ETV5: variants seen among roughly 807,000 people sequenced by gnomAD.
ETV5 encodes ETS variant transcription factor 5, also known as ETS translocation variant 5.
In ETV5, 10 loss-of-function variants were observed where a neutral mutation model predicts 70.0. The ratio of observed to expected loss-of-function variants is 0.14; its 90% CI spans 0.09 to 0.24. ETV5 has a LOEUF of 0.24. Ranked by LOEUF, ETV5 falls within the 10% of genes least tolerant of loss-of-function variation. The probability of loss-of-function intolerance (pLI) is 1.00; values close to 1 mark genes in which losing one functional copy is unlikely to be tolerated. For synonymous variants in ETV5, 216 were observed against 242.2 expected, an observed-to-expected ratio of 0.89 and a Z score of 1.01; for missense variants, 453 against 651.2, an observed-to-expected ratio of 0.70 and a Z score of 3.31.
intron 6 of ETV5, chr3:186,080,797 G>A (rs941069561): frequency 3.3e-5 from 10 of 299,128 alleles, no homozygotes; most frequent in Admixed American, 1.9e-4. Flanking sequence ...TCTTTCCCTA[G>A]AAGGACTGGG....
Position 186,079,834 on chromosome 3 carries a change from C to T in ETV5, c.633G>A (p.Gln211=). ...LQMPKMMPEN[Q]YPSEQRFQRQ... ...ACACCCACCTCTGTTCTGATGGATACTGGTTTTCAGGCATCATCTTTGGCA... is the reference window on the plus strand; with the variant it reads ...ACACCCACCTCTGTTCTGATGGATATTGGTTTTCAGGCATCATCTTTGGCA... Residue 211 remains glutamine, a synonymous_variant, in exon 7 of 13, where the codon CAG becomes CAA. Coordinates refer to ENST00000306376, the MANE Select transcript of ETV5 (RefSeq NM_004454.3). 1 of 1,604,084 alleles carries T rather than the reference C, an allele frequency of 6.2e-7. No homozygotes were observed. The highest frequency in any genetic ancestry group is 8.5e-7 in the Non-Finnish European group (1 of 1,175,430).
At chr3:186,108,060 T>G (rs1414825884) in intron 1 of ETV5, among the ~76,000 whole-genome samples, 1 of 149,564 alleles carries the variant, frequency 6.7e-6, no homozygotes, top group Non-Finnish European at 1.5e-5. Context: ...GCTTCATTCA[T>G]AAAGTCACCC....
At chr3:186,092,792 G>A (rs1714213230) in intron 5 of ETV5, among the ~76,000 whole-genome samples, 1 of 152,144 alleles carries the variant, frequency 6.6e-6, no homozygotes, top group South Asian at 2.1e-4. Flanking sequence ...TTAAGACCAT[G>A]AGGCCATTCT....
chr3:186,105,788 G>C lies in ETV5; in HGVS notation c.45+36C>G, dbSNP rs1714573337. ...CAGGGGGAAGACTCATATTGGAGAG[G>C]GAGGACAAAACAAACCAAAAGCCAC... On this transcript the variant is annotated intron_variant, in intron 2 of 12. Coordinates refer to ENST00000306376, the MANE Select transcript of ETV5 (RefSeq NM_004454.3). The surrounding 1 kb of genome is among the most constrained non-coding windows in gnomAD (Gnocchi z 4.5). 2 of 1,610,712 alleles carry C rather than the reference G, an allele frequency of 1.2e-6. No homozygotes were observed. The highest frequency in any genetic ancestry group is 1.7e-6 in the Non-Finnish European group (2 of 1,176,966).
At chr3:186,089,400 G>A (rs1217352732) in intron 5 of ETV5, among the ~76,000 whole-genome samples, 4 of 152,112 alleles carry the variant, frequency 2.6e-5, no homozygotes, top group African/African-American at 9.7e-5. Flanking sequence ...AAATTTAATA[G>A]GTGAAAAATC....
At chr3:186,058,559 C>T (rs1713223348) in intron 9 of ETV5, among the ~76,000 whole-genome samples, 3 of 152,104 alleles carry the variant, frequency 2.0e-5, no homozygotes, top group African/African-American at 7.2e-5. Flanking sequence ...GAAGGACTTC[C>T]ATTAGATCTG....
chr3:186,071,836 C>T (rs1466783240), intron 7 of ETV5, among the ~76,000 whole-genome samples: 4 of 151,314 alleles, frequency 2.6e-5, no homozygotes, highest in Non-Finnish European at 5.9e-5. Context: ...GTCGCTCTGT[C>T]GTCCAGGCTG....
chr3:186,073,667 T>C (rs933355280), intron 7 of ETV5, among the ~76,000 whole-genome samples: 2 of 152,166 alleles, frequency 1.3e-5, no homozygotes, highest in Admixed American at 1.3e-4. Flanking sequence ...TTGAAAGAAA[T>C]AATAGAAAAT....
chr3:186,098,881 C>T (rs1447532819), intron 5 of ETV5, among the ~76,000 whole-genome samples: 2 of 152,136 alleles, frequency 1.3e-5, no homozygotes, highest in Non-Finnish European at 2.9e-5. Context: ...TCCCCTCCAG[C>T]GAACTCAGTG....
At chr3:186,048,947 GC>G in intron 12 of ETV5, 87 bp from the exon 13 acceptor site, 1 of 1,134,918 alleles carries the variant, frequency 8.8e-7, no homozygotes, top group Non-Finnish European at 1.3e-6. Flanking sequence ...AAGTCACAAA[GC>G]CAGGGACCAA....
At chr3:186,101,461 A>T (rs1714456708) in intron 5 of ETV5, among the ~76,000 whole-genome samples, 1 of 151,920 alleles carries the variant, frequency 6.6e-6, no homozygotes, top group African/African-American at 2.4e-5. Flanking sequence ...GTTTTTTATA[A>T]TTTTTTTCTT....
chr3:186,079,105 A>G lies in ETV5; in HGVS notation c.650+712T>C, dbSNP rs776667637. 2.7e-4 allele frequency: 287 copies of G among 1,063,948 alleles called. 1 individual carries two copies. The highest frequency in any genetic ancestry group is 3.1e-4 in the Non-Finnish European group (275 of 878,596). 65.9% of individuals were successfully genotyped at this position (1,063,948 alleles called of 1,614,324 possible). A position where few individuals can be genotyped will look rare whatever the true frequency, so the allele number is the denominator to read the frequency against. ...CCTATCCCAGAGAAACTTGAAATAA[A>G]GACAGGCCCCCAGCACATCTTCTAT... On this transcript the variant is annotated intron_variant, in intron 7 of 12. Transcript: ENST00000306376.
intron 5 of ETV5, chr3:186,095,406 C>G (rs1051836848): frequency 8.5e-5 from 13 of 152,242 alleles, no homozygotes; most frequent in African/African-American, 2.4e-4. Context: ...TCCACACTGG[C>G]ACTAAAGTGA....
chr3:186,087,564 ATCTT>A (rs1714087065), intron 5 of ETV5, among the ~76,000 whole-genome samples: 1 of 152,234 alleles, frequency 6.6e-6, no homozygotes, highest in African/African-American at 2.4e-5. Flanking sequence ...ATTTTAGAAA[ATCTT>A]TCTTCTGTGA....
At chr3:186,085,026 T>C (rs556201839) in intron 5 of ETV5, among the ~76,000 whole-genome samples, 2 of 152,302 alleles carry the variant, frequency 1.3e-5, no homozygotes, top group South Asian at 4.1e-4. Flanking sequence ...CTTACATACA[T>C]CATTTCACTC....
chr3:186,068,244 T>C (rs1006160419), intron 7 of ETV5, among the ~76,000 whole-genome samples: 5 of 152,186 alleles, frequency 3.3e-5, no homozygotes, highest in Non-Finnish European at 5.9e-5. Flanking sequence ...CATTAGAAAT[T>C]ACATAATATG....
intron 7 of ETV5, among the ~76,000 whole-genome samples, chr3:186,067,301 GCGCGCCTGTAGTCC>G (rs1713471798): frequency 6.6e-6 from 1 of 152,212 alleles, no homozygotes. Context: ...ATGTGGTTGT[GCGCGCCTGTAGTCC>G]CAGCTACTCT....
chr3:186,090,921 G>A (rs1226269293), intron 5 of ETV5, among the ~76,000 whole-genome samples: 2 of 152,168 alleles, frequency 1.3e-5, no homozygotes, highest in Non-Finnish European at 2.9e-5. Context: ...AGGAACACGG[G>A]GCTGAAGACC....
rs1224872475 is a variant in ETV5 at position 186,064,418 on chromosome 3, T to A, written c.969A>T (p.Glu323Asp). 8 of 1,614,110 alleles carry A rather than the reference T, an allele frequency of 5.0e-6. No individual in the cohort carries two copies. Among genetic ancestry groups the A allele is most frequent in the Non-Finnish European group, 5.9e-6 (7 of 1,179,970 alleles). The change falls in exon 9 of 13, where the codon GAA (glutamate) becomes GAT (aspartate). Residue 323 changes from glutamate (E) to aspartate (D), a missense_variant and splice_region_variant. This residue lies in a region of ETV5 where 307 missense variants were observed against 344.9 expected (regional missense o/e 0.89). Coordinates refer to ENST00000306376, the MANE Select transcript of ETV5 (RefSeq NM_004454.3). Reference sequence around the variant, plus strand: ...AGGAAAGAAAAGCAGGTTCCTTACCTTCATGGCTGCTGGAGAAATAACCCC... The same window carrying A: ...AGGAAAGAAAAGCAGGTTCCTTACCATCATGGCTGCTGGAGAAATAACCCC... ...MRGGYFSSSH[E>D]GFSYEKDPRL...
Sources: allele counts gnomAD v4.1 joint callset (sites outside exome capture counted in the v4.1 genomes callset), GRCh38; gene constraint gnomAD v4.1.1; regional missense constraint gnomAD v4.1.1; non-coding constraint Gnocchi (gnomAD v3.1); transcripts MANE v1.5; gene names NCBI Gene and HGNC (gene_info 2026-07-23, HGNC 2026-07-21).